The following PPARGC1A variants were observed in gnomAD, a reference collection of about 807,000 sequenced individuals.
PPARGC1A encodes peroxisome proliferator-activated receptor gamma coactivator 1-alpha.
PPARGC1A carries 25 observed loss-of-function variants against 88.7 expected under a neutral mutation model. That is an observed-to-expected ratio of 0.28 (90% CI 0.21 to 0.39). The LOEUF is 0.39. PPARGC1A is among the 10% of genes least tolerant of loss of function. The probability of loss-of-function intolerance (pLI) is 1.00; values close to 1 mark genes in which losing one functional copy is unlikely to be tolerated. For missense variants in PPARGC1A, 880 were observed against 968.7 expected (o/e 0.91, Z 1.22); for synonymous variants, 363 against 355.6 (o/e 1.02, Z -0.24).
At chr4:23,999,772 A>G in the PPARGC1A span, among the ~76,000 whole-genome samples, 1 of 152,130 alleles carries the variant, frequency 6.6e-6, no homozygotes, top group Admixed American at 6.5e-5. Flanking sequence ...GGGAAAGAAA[A>G]AGGCACTCTG....
At chr4:23,975,345 C>T in the PPARGC1A span, among the ~76,000 whole-genome samples, 4 of 152,054 alleles carry the variant, frequency 2.6e-5, no homozygotes, top group South Asian at 8.3e-4. Context: ...TTGGGACCTT[C>T]TTTTTGATTA....
At chr4:23,826,493 C>G (rs539102634) in intron 5 of PPARGC1A, among the ~76,000 whole-genome samples, 1 of 152,096 alleles carries the variant, frequency 6.6e-6, no homozygotes, top group African/African-American at 2.4e-5. Context: ...GACTCCAAAA[C>G]GTTTTATGGA....
At chr4:24,344,961 C>T in the PPARGC1A span, among the ~76,000 whole-genome samples, 12 of 152,136 alleles carry the variant, frequency 7.9e-5, no homozygotes, top group Admixed American at 2.0e-4. Context: ...CAGTTTCATT[C>T]TCCTACATGT....
At chr4:24,088,440 A>C in the PPARGC1A span, among the ~76,000 whole-genome samples, 6 of 152,254 alleles carry the variant, frequency 3.9e-5, no homozygotes, top group Non-Finnish European at 7.4e-5. Context: ...GGAAACAAAG[A>C]AAATATACTC....
the PPARGC1A span, among the ~76,000 whole-genome samples, chr4:24,225,946 G>C: frequency 2.6e-5 from 4 of 152,014 alleles, no homozygotes; most frequent in African/African-American, 9.7e-5. Context: ...GAGTCAGAAA[G>C]ATAAAACAAT....
At chr4:24,107,974 G>A in the PPARGC1A span, among the ~76,000 whole-genome samples, 5 of 152,076 alleles carry the variant, frequency 3.3e-5, no homozygotes, top group Non-Finnish European at 7.4e-5. Flanking sequence ...TTCAATAGAA[G>A]ACAAAAAGGG....
the PPARGC1A span, among the ~76,000 whole-genome samples, chr4:24,361,446 T>C: frequency 2.6e-5 from 4 of 152,206 alleles, no homozygotes; most frequent in Non-Finnish European, 5.9e-5. Flanking sequence ...AAGAATTTCA[T>C]GAACATTCCC....
the PPARGC1A span, among the ~76,000 whole-genome samples, chr4:24,094,563 G>T: frequency 6.6e-6 from 1 of 152,224 alleles, no homozygotes; most frequent in Non-Finnish European, 1.5e-5. Context: ...ACAATGCAGT[G>T]TGCCTTCATC....
chr4:23,985,386 G>A, the PPARGC1A span, among the ~76,000 whole-genome samples: 5 of 152,112 alleles, frequency 3.3e-5, no homozygotes, highest in South Asian at 2.1e-4. Context: ...TGGCTCCTGC[G>A]GACCAGCACT....
chr4:24,132,681 G>A, the PPARGC1A span, among the ~76,000 whole-genome samples: 3 of 152,154 alleles, frequency 2.0e-5, no homozygotes, highest in Non-Finnish European at 4.4e-5. Flanking sequence ...AAACCTTCCT[G>A]CGATTTAAAG....
At chr4:24,194,406 C>T in the PPARGC1A span, among the ~76,000 whole-genome samples, 1 of 151,976 alleles carries the variant, frequency 6.6e-6, no homozygotes, top group African/African-American at 2.4e-5. Flanking sequence ...AACTCCACTG[C>T]TCCTCTCAAT....
At chr4:23,990,855 C>T in the PPARGC1A span, among the ~76,000 whole-genome samples, 2 of 151,984 alleles carry the variant, frequency 1.3e-5, no homozygotes, top group African/African-American at 4.8e-5. Flanking sequence ...AAAACCACGT[C>T]GAGTAGGAGA....
chr4:23,848,360 C>G (rs1728676677), intron 2 of PPARGC1A, among the ~76,000 whole-genome samples: 1 of 152,180 alleles, frequency 6.6e-6, no homozygotes, highest in Non-Finnish European at 1.5e-5. Flanking sequence ...GACTCTAGAG[C>G]AAAGCCACAG....
the PPARGC1A span, among the ~76,000 whole-genome samples, chr4:24,199,929 C>A: frequency 6.6e-6 from 1 of 152,064 alleles, no homozygotes; most frequent in South Asian, 2.1e-4. Context: ...TTGCTGACAG[C>A]ACCATTAGTA....
chr4:24,468,784 C>A, the PPARGC1A span, among the ~76,000 whole-genome samples: 232 of 151,522 alleles, frequency 1.5e-3, 1 homozygote, highest in African/African-American at 5.3e-3. Flanking sequence ...TTTTTTTTTA[C>A]TTGCTTGTTT....
chr4:24,072,308 A>G, the PPARGC1A span, among the ~76,000 whole-genome samples: 1 of 151,654 alleles, frequency 6.6e-6, no homozygotes, highest in African/African-American at 2.4e-5. Context: ...AATACTTCCA[A>G]TTCATATCTG....
the PPARGC1A span, among the ~76,000 whole-genome samples, chr4:23,969,836 A>G: frequency 6.6e-6 from 1 of 152,018 alleles, no homozygotes; most frequent in South Asian, 2.1e-4. Flanking sequence ...TGGATTACAC[A>G]CTCTCCACAG....
rs1207107729 is a variant in PPARGC1A at position 23,793,328 on chromosome 4, A to C, written c.*2494T>G. The stretch of plus-strand genomic sequence containing the variant: ...TAAAGATGTGTTACTGTTGTAACGC[A>C]GAACCTGTGAACAAGTTCTTTCATT... On this transcript the variant is annotated 3_prime_UTR_variant, in exon 13 of 13. Coordinates refer to ENST00000264867, the MANE Select transcript of PPARGC1A (RefSeq NM_013261.5). 1.3e-5 allele frequency: 2 copies of C among 152,622 alleles called. No homozygotes were observed. The highest frequency in any genetic ancestry group is 2.9e-5 in the Non-Finnish European group (2 of 68,040). The allele number at this position is 152,622 out of a possible 1,614,324, so 9.5% of individuals were successfully genotyped here.
intron 7 of PPARGC1A, among the ~76,000 whole-genome samples, chr4:23,819,634 T>C (rs1020656458): frequency 2.6e-5 from 4 of 152,068 alleles, no homozygotes; most frequent in Non-Finnish European, 2.9e-5. Flanking sequence ...GATGGTACCA[T>C]TTCCAGAGAA....
Sources: gnomAD v4.1 joint callset for allele counts (sites outside exome capture counted in the v4.1 genomes callset) on GRCh38, gnomAD v4.1.1 for gene constraint, MANE v1.5 for transcripts, NCBI Gene and HGNC (gene_info 2026-07-23, HGNC 2026-07-21) for gene names.